The following SLC12A7 variants were observed in gnomAD, a reference collection of about 807,000 sequenced individuals.
SLC12A7 encodes the protein K-Cl cotransporter 4.
SLC12A7 carries 100 observed loss-of-function variants against 120.6 expected under a neutral mutation model. That is an observed-to-expected ratio of 0.83 (90% CI 0.71 to 0.98). The LOEUF is 0.98. Ranked by LOEUF, SLC12A7 falls within the 50% of genes least tolerant of loss-of-function variation. The pLI is 0.00. For missense variants in SLC12A7, 1,373 were observed against 1,548.1 expected, an observed-to-expected ratio of 0.89 and a Z score of 1.90; for synonymous variants, 760 against 678.0, an observed-to-expected ratio of 1.12 and a Z score of -1.88.
At chr5:1,095,037 GGCCGGTAGGA>G (rs1740973388) in intron 1 of SLC12A7, among the ~76,000 whole-genome samples, 1 of 90,142 alleles carries the variant, frequency 1.1e-5, no homozygotes, top group Non-Finnish European at 3.0e-5. Flanking sequence ...GGAGGCGGGG[GGCCGGTAGGA>G]GGCGGGGCCG....
chr5:1,068,783 A>G (rs915094377), intron 17 of SLC12A7, among the ~76,000 whole-genome samples: 14 of 152,382 alleles, frequency 9.2e-5, no homozygotes, highest in African/African-American at 3.4e-4. Flanking sequence ...AAGTGAGCGC[A>G]GCTCTTCCCA....
chr5:1,152,660 C>A, the SLC12A7 span, among the ~76,000 whole-genome samples: 1 of 152,202 alleles, frequency 6.6e-6, no homozygotes, highest in Admixed American at 6.5e-5. Flanking sequence ...AGGGCGACTC[C>A]CTTACAGAAC....
intron 21 of SLC12A7, among the ~76,000 whole-genome samples, chr5:1,058,769 G>A (rs970775132): frequency 6.6e-6 from 1 of 152,222 alleles, no homozygotes; most frequent in African/African-American, 2.4e-5. Context: ...GGCCTTGAAC[G>A]TGAAACCAGA....
intron 18 of SLC12A7, among the ~76,000 whole-genome samples, 175 bp downstream of exon 18, chr5:1,065,097 CAGGGGACAGTG>C (rs1489824561): frequency 7.1e-5 from 4 of 55,962 alleles, no homozygotes; most frequent in African/African-American, 2.2e-4. Flanking sequence ...AGGAGACACA[CAGGGGACAGTG>C]AGGGGACGGC....
At chr5:1,155,083 C>A in the SLC12A7 span, among the ~76,000 whole-genome samples, 1 of 151,052 alleles carries the variant, frequency 6.6e-6, no homozygotes, top group African/African-American at 2.4e-5. Context: ...CCTCCCCCCG[C>A]CCCCGCCCCG....
intron 18 of SLC12A7, 148 bp downstream of exon 18, chr5:1,065,135 G>T: frequency 1.4e-6 from 1 of 699,004 alleles, no homozygotes; most frequent in South Asian, 1.9e-5. Context: ...ATGCAGAGGG[G>T]ACACCAAGGG....
At chr5:1,073,583 T>C in intron 17 of SLC12A7, 50 bp downstream of exon 17, 1 of 1,551,960 alleles carries the variant, frequency 6.4e-7, no homozygotes. Flanking sequence ...ACGTTTCCTG[T>C]GCAGCTGGGG....
rs200113590 is a variant in SLC12A7 at position 1,083,965 on chromosome 5, G to C, written c.918-9C>G. On this transcript the variant is annotated splice_polypyrimidine_tract_variant and intron_variant, in intron 7 of 23. Coordinates refer to ENST00000264930, the MANE Select transcript of SLC12A7 (RefSeq NM_006598.3). The stretch of plus-strand genomic sequence containing the variant: ...TCCCCAGGAGGCAGACCCTGGGCGG[G>C]ACAGGGAGGCACGGCACGTGTGCTG... 4,884 of 1,598,430 alleles carry C rather than the reference G, an allele frequency of 3.1e-3. 8 individuals carry two copies. Among genetic ancestry groups the C allele is most frequent in the Non-Finnish European group, 3.9e-3 (4,628 of 1,178,918 alleles).
At chr5:1,136,770 C>T in the SLC12A7 span, among the ~76,000 whole-genome samples, 10 of 141,638 alleles carry the variant, frequency 7.1e-5, no homozygotes, top group African/African-American at 2.5e-4. Context: ...CACACGTGTG[C>T]TCAGACACCA....
chr5:1,069,751 C>G (rs1361812884), intron 17 of SLC12A7, among the ~76,000 whole-genome samples: 2 of 152,134 alleles, frequency 1.3e-5, no homozygotes, highest in African/African-American at 2.4e-5. Flanking sequence ...TGATGGGACC[C>G]CACAGGCTTT....
chr5:1,100,875 TC>T (rs1741949031), intron 1 of SLC12A7, among the ~76,000 whole-genome samples: 2 of 152,128 alleles, frequency 1.3e-5, no homozygotes, highest in South Asian at 4.2e-4. Context: ...TCACGTTGGA[TC>T]CCGGATGTGT....
At chr5:1,100,318 C>T (rs922011453) in intron 1 of SLC12A7, among the ~76,000 whole-genome samples, 7 of 152,242 alleles carry the variant, frequency 4.6e-5, no homozygotes, top group Non-Finnish European at 1.0e-4. Context: ...ATCCACAGGA[C>T]CCGGCCAGAG....
At chr5:1,075,023 G>A (rs1206632214) in intron 15 of SLC12A7, among the ~76,000 whole-genome samples, 7 of 152,214 alleles carry the variant, frequency 4.6e-5, no homozygotes, top group Admixed American at 4.6e-4. Flanking sequence ...GCACGGGGAA[G>A]GACGCCTGTG....
At chr5:1,103,682 A>G (rs1042613086) in intron 1 of SLC12A7, among the ~76,000 whole-genome samples, 41 of 152,166 alleles carry the variant, frequency 2.7e-4, no homozygotes, top group African/African-American at 9.7e-4. Flanking sequence ...CCTGCAGCAC[A>G]CACATCTGCA....
intron 1 of SLC12A7, among the ~76,000 whole-genome samples, chr5:1,104,687 T>C (rs1228274331): frequency 6.7e-6 from 1 of 149,672 alleles, no homozygotes; most frequent in Non-Finnish European, 1.5e-5. Context: ...GGGGTGCGTG[T>C]GGGGTGCGTG....
intron 3 of SLC12A7, 35 bp downstream of exon 3, chr5:1,093,498 C>CGGGGACTGGGT (rs746354076): frequency 1.8e-5 from 23 of 1,290,150 alleles, no homozygotes; most frequent in Admixed American, 5.8e-5. Flanking sequence ...ACACACGGGG[C>CGGGGACTGGGT]GGGGACTGGG....
the SLC12A7 span, among the ~76,000 whole-genome samples, chr5:1,137,060 T>C: frequency 0.015 from 2,262 of 151,330 alleles, 25 homozygotes; most frequent in Middle Eastern, 0.027. Context: ...AGGACACACA[T>C]GCAGACACAC....
chr5:1,089,171 C>A (rs762155103), intron 3 of SLC12A7, 43 bp from the exon 4 acceptor site: 18 of 1,593,862 alleles, frequency 1.1e-5, no homozygotes, highest in Non-Finnish European at 1.4e-5. Flanking sequence ...GTACCCCACA[C>A]CCAGAGGGAG....
intron 1 of SLC12A7, among the ~76,000 whole-genome samples, chr5:1,111,379 G>C (rs970687899): frequency 5.3e-5 from 8 of 152,172 alleles, no homozygotes; most frequent in Non-Finnish European, 2.9e-5. Context: ...TTCCGCCTCT[G>C]GGGGGTGGGC....
Sources: allele counts gnomAD v4.1 joint callset (sites outside exome capture counted in the v4.1 genomes callset), GRCh38; gene constraint gnomAD v4.1.1; transcripts MANE v1.5; gene names NCBI Gene and HGNC (gene_info 2026-07-23, HGNC 2026-07-21).